The following ATL2 variants were observed in gnomAD, a reference collection of about 807,000 sequenced individuals.
ATL2 encodes the protein atlastin GTPase 2.
A neutral mutation model predicts 73.9 loss-of-function variants in ATL2; 31 were observed. The observed-to-expected ratio is 0.42, with a 90% CI of 0.32 to 0.57. ATL2 has a LOEUF of 0.57. Among genes scored for constraint, ATL2 ranks in the 20% least tolerant of loss-of-function variants. The pLI, the probability that ATL2 is intolerant of heterozygous loss-of-function variation, is 0.14. For missense variants in ATL2, 738 were observed against 702.6 expected (o/e 1.05, Z -0.57); for synonymous variants, 291 against 237.5 (o/e 1.23, Z -2.07).
chr2:38,352,072 T>C (rs181876000), intron 1 of ATL2, among the ~76,000 whole-genome samples: 9 of 140,888 alleles, frequency 6.4e-5, no homozygotes, highest in Admixed American at 2.3e-4. Context: ...GATCGCGCCA[T>C]TGCACTCCAG....
At chr2:38,327,537 G>GAAAAAAAAAAAAAAAAAAAA (rs1668733383) in intron 2 of ATL2, among the ~76,000 whole-genome samples, 1 of 71,928 alleles carries the variant, frequency 1.4e-5, no homozygotes, top group Non-Finnish European at 2.6e-5. Context: ...AAAAAAAAAA[G>GAAAAAAAAAAAAAAAAAAAA]TACAAAAAAA....
chr2:38,347,997 C>A (rs1670123717), intron 1 of ATL2, among the ~76,000 whole-genome samples: 1 of 151,558 alleles, frequency 6.6e-6, no homozygotes, highest in Non-Finnish European at 1.5e-5. Context: ...AAACTCCTGA[C>A]CTCAGGTGAT....
At chr2:38,376,183 A>G in intron 1 of ATL2, 1 of 1,521,774 alleles carries the variant, frequency 6.6e-7, no homozygotes, top group Non-Finnish European at 8.8e-7. Context: ...GTACCATCAA[A>G]ATTTTCAATC....
intron 1 of ATL2, among the ~76,000 whole-genome samples, chr2:38,352,518 G>T (rs954499637): frequency 5.3e-5 from 8 of 152,120 alleles, no homozygotes; most frequent in African/African-American, 1.9e-4. Flanking sequence ...TGTGAGGCAG[G>T]ATACCAGAGA....
chr2:38,362,259 G>C (rs553199688), intron 1 of ATL2, among the ~76,000 whole-genome samples: 3 of 152,250 alleles, frequency 2.0e-5, no homozygotes, highest in East Asian at 3.9e-4. Context: ...GAAAAAACTA[G>C]AGCAACCAAA....
At chr2:38,296,989 G>T (rs953746419) in intron 12 of ATL2, among the ~76,000 whole-genome samples, 3 of 152,132 alleles carry the variant, frequency 2.0e-5, no homozygotes, top group Admixed American at 6.5e-5. Context: ...TAAAAGTGAA[G>T]TTGCGATAGC....
At chr2:38,314,116 C>G (rs1036983941) in intron 6 of ATL2, among the ~76,000 whole-genome samples, 1 of 152,120 alleles carries the variant, frequency 6.6e-6, no homozygotes, top group African/African-American at 2.4e-5. Flanking sequence ...TCATGCTCTC[C>G]TACTGTAACT....
chr2:38,310,624 C>A (rs1280531573), intron 7 of ATL2, among the ~76,000 whole-genome samples, 177 bp from the exon 8 acceptor site: 2 of 148,266 alleles, frequency 1.3e-5, no homozygotes, highest in African/African-American at 5.1e-5. Flanking sequence ...TTTGTTAAGA[C>A]CCCACTTTTT....
intron 2 of ATL2, among the ~76,000 whole-genome samples, chr2:38,330,966 T>C (rs1668952863): frequency 6.6e-6 from 1 of 152,192 alleles, no homozygotes; most frequent in Non-Finnish European, 1.5e-5. Context: ...CTTCAAAATT[T>C]ACTACAAAGC....
rs201184057 is a variant in ATL2, at chr2:38,310,439, T to C, written c.813A>G (p.Gln271=). 6 of 1,591,864 alleles carry C rather than the reference T, an allele frequency of 3.8e-6. No homozygotes were observed. Among genetic ancestry groups the C allele is most frequent in the Admixed American group, 1.9e-5 (1 of 53,408 alleles). The part of the protein sequence containing the change: ...QFLEKRLQVK[Q]NQHEELQNVR... ...CATTCTGAAGCTCTTCATGTTGATT[T>C]TGTTTTACCTGAGGGCGGAGAGAGA... Residue 271 remains glutamine, a synonymous_variant, in exon 8 of 13, where the codon CAA becomes CAG. Coordinates refer to ENST00000378954, the MANE Select transcript of ATL2 (RefSeq NM_001135673.4).
intron 1 of ATL2, among the ~76,000 whole-genome samples, chr2:38,360,732 C>CCT: frequency 1.3e-5 from 2 of 152,096 alleles, no homozygotes; most frequent in South Asian, 4.2e-4. Flanking sequence ...CTCTTAGGTA[C>CCT]TTTTTTGGGG....
rs1040961265 is a variant in ATL2 at position 38,294,275 on chromosome 2, G to A, written c.*1719C>T. 3.3e-5 allele frequency among the ~76,000 whole-genome samples: 5 copies of A among 152,322 alleles called. No homozygotes were observed. The East Asian group carries it at 5.8e-4, about 18-fold the overall frequency. Reference sequence around the variant, plus strand: ...TTAAAAAGCAAACTAAGGGCCGGGCGCGGTGGCTCACGCCTGTAATCCCAA... The same window carrying A: ...TTAAAAAGCAAACTAAGGGCCGGGCACGGTGGCTCACGCCTGTAATCCCAA... On this transcript the variant is annotated 3_prime_UTR_variant, in exon 13 of 13. Coordinates refer to ENST00000378954, the MANE Select transcript of ATL2 (RefSeq NM_001135673.4).
intron 2 of ATL2, among the ~76,000 whole-genome samples, chr2:38,331,803 G>C (rs1002531547): frequency 1.3e-5 from 2 of 151,524 alleles, no homozygotes; most frequent in Non-Finnish European, 2.9e-5. Context: ...AAAAATGAAG[G>C]AAGAACCCTC....
chr2:38,313,610 T>C (rs1388596604), intron 6 of ATL2, among the ~76,000 whole-genome samples: 6 of 152,172 alleles, frequency 3.9e-5, no homozygotes, highest in African/African-American at 1.4e-4. Context: ...CTAGACTGAT[T>C]ATAGATCTGG....
chr2:38,297,838 T>C (rs937670761), intron 12 of ATL2: 5 of 204,652 alleles, frequency 2.4e-5, no homozygotes, highest in East Asian at 2.1e-4. Flanking sequence ...TCATTGTTTA[T>C]ATTTTCTTTC....
Position 38,310,299 on chromosome 2 carries a change from G to C in ATL2, c.943+10C>G. 2 of 1,609,776 alleles carry C rather than the reference G, an allele frequency of 1.2e-6. No individual in the cohort carries two copies. Among genetic ancestry groups the C allele is most frequent in the Non-Finnish European group, 1.7e-6 (2 of 1,178,964 alleles). ...TAAGTTCAGATTTTAGCAAGAATGG[G>C]AATTCCCACCTTTCAATCTCCCATC... On this transcript the variant is annotated intron_variant, in intron 8 of 12. Transcript: ENST00000378954.
chr2:38,315,247 A>G (rs113688842), intron 5 of ATL2, 37 bp downstream of exon 5: 5 of 1,444,126 alleles, frequency 3.5e-6, no homozygotes, highest in African/African-American at 3.0e-5. Flanking sequence ...GCGAAACTCC[A>G]TCTCAAAAAA....
chr2:38,329,985 C>A (rs1317079516), intron 2 of ATL2, among the ~76,000 whole-genome samples: 2 of 151,846 alleles, frequency 1.3e-5, no homozygotes, highest in Non-Finnish European at 2.9e-5. Flanking sequence ...AAAAATTAGC[C>A]AGGCACGGTG....
At chr2:38,314,703 G>C in intron 5 of ATL2, 39 bp from the exon 6 acceptor site, 1 of 1,354,320 alleles carries the variant, frequency 7.4e-7, no homozygotes, top group Non-Finnish European at 1.0e-6. Flanking sequence ...CCTCTAAAGA[G>C]ATTGAAAGAA....
Sources: gnomAD v4.1 joint callset for allele counts (sites outside exome capture counted in the v4.1 genomes callset) on GRCh38, gnomAD v4.1.1 for gene constraint, MANE v1.5 for transcripts, NCBI Gene and HGNC (gene_info 2026-07-23, HGNC 2026-07-21) for gene names.